The following SLC20A2 variants were observed in gnomAD, a reference collection of about 807,000 sequenced individuals.
SLC20A2 encodes solute carrier family 20 member 2.
A neutral mutation model predicts 61.0 loss-of-function variants in SLC20A2; 30 were observed. That is an observed-to-expected ratio of 0.49 (90% CI 0.37 to 0.67). SLC20A2 has a LOEUF of 0.67. Ranked by LOEUF, SLC20A2 falls within the 30% of genes least tolerant of loss-of-function variation. The pLI is 0.00. For synonymous variants in SLC20A2, 351 were observed against 353.3 expected, an observed-to-expected ratio of 0.99 and a Z score of 0.07; for missense variants, 626 against 866.4, an observed-to-expected ratio of 0.72 and a Z score of 3.48.
chr8:42,503,387 T>C (rs1810440330), upstream of SLC20A2, among the ~76,000 whole-genome samples: 1 of 152,202 alleles, frequency 6.6e-6, no homozygotes, highest in South Asian at 2.1e-4. Context: ...TATGGGATCT[T>C]TAGTTCAACG....
At chr8:42,541,191 C>A (rs571490740) in intron 1 of SLC20A2, 151 of 152,284 alleles carry the variant, frequency 9.9e-4, no homozygotes, top group African/African-American at 3.1e-3. Flanking sequence ...AGGCGCCCGG[C>A]ACTCGCAGGT....
intron 1 of SLC20A2, among the ~76,000 whole-genome samples, chr8:42,524,843 G>A (rs1471636299): frequency 1.3e-5 from 2 of 151,922 alleles, no homozygotes; most frequent in East Asian, 3.9e-4. Context: ...CATGTAACAA[G>A]AAATTCTGAG....
chr8:42,422,785 G>A (rs981961415), intron 10 of SLC20A2, among the ~76,000 whole-genome samples: 21 of 151,972 alleles, frequency 1.4e-4, no homozygotes, highest in African/African-American at 4.8e-4. Flanking sequence ...AATTCACATG[G>A]GTTTTCAAAT....
intron 2 of SLC20A2, among the ~76,000 whole-genome samples, chr8:42,471,554 T>C (rs1216757136): frequency 3.3e-5 from 5 of 152,226 alleles, no homozygotes; most frequent in Non-Finnish European, 4.4e-5. Context: ...TGACAAATAA[T>C]GTAAGAGACC....
chr8:42,524,786 CAAAT>C (rs138387549), intron 1 of SLC20A2, among the ~76,000 whole-genome samples: 9,429 of 147,692 alleles, frequency 0.064, 578 homozygotes, highest in African/African-American at 0.15. Context: ...AACTCCATCT[CAAAT>C]AAATAAATAA....
chr8:42,518,791 T>C (rs2131394434), intron 1 of SLC20A2, among the ~76,000 whole-genome samples: 1 of 152,348 alleles, frequency 6.6e-6, no homozygotes, highest in South Asian at 2.1e-4. Context: ...CCCATCCCAC[T>C]TCAAAGTAGA....
At chr8:42,533,951 A>G (rs1305025624) in intron 1 of SLC20A2, among the ~76,000 whole-genome samples, 3 of 93,478 alleles carry the variant, frequency 3.2e-5, no homozygotes, top group South Asian at 3.8e-4. Context: ...CGTTACTTAC[A>G]AAAACTTCTC....
At chr8:42,448,260 C>T (rs1349730411) in intron 5 of SLC20A2, among the ~76,000 whole-genome samples, 3 of 152,216 alleles carry the variant, frequency 2.0e-5, no homozygotes, top group Non-Finnish European at 2.9e-5. Flanking sequence ...AGCGCTACTG[C>T]GCCAAACTGA....
At chr8:42,455,036 G>GCTAA (rs1013420247) in intron 5 of SLC20A2, among the ~76,000 whole-genome samples, 2 of 150,884 alleles carry the variant, frequency 1.3e-5, no homozygotes, top group African/African-American at 4.9e-5. Context: ...GACTAGCTTG[G>GCTAA]CTAACATGGT....
rs1244005510 is a variant in SLC20A2, at chr8:42,438,072, A to C, written c.935-495T>G. Among the ~76,000 whole-genome samples the C allele has an allele frequency of 3.7e-3, 539 of 145,186 alleles. 24 individuals carry two copies. Among genetic ancestry groups the C allele is most frequent in the South Asian group, 0.017 (80 of 4,680 alleles). ...CACTAAAAAAAAAAACCAAAAAAAA[A>C]AAAAAAAAAAAAAAAAACATGGAAA... is the stretch of plus-strand genomic sequence containing the variant. On this transcript the variant is annotated intron_variant, in intron 7 of 10. Transcript: ENST00000520262.
intron 1 of SLC20A2, among the ~76,000 whole-genome samples, chr8:42,489,065 G>A (rs1444721040): frequency 8.1e-5 from 12 of 147,650 alleles, no homozygotes; most frequent in South Asian, 2.2e-4. Flanking sequence ...TCAGCCTCCC[G>A]AGCAGCTGGG....
At chr8:42,489,159 G>C (rs765669310) in intron 1 of SLC20A2, among the ~76,000 whole-genome samples, 80 of 152,082 alleles carry the variant, frequency 5.3e-4, no homozygotes, top group Middle Eastern at 3.4e-3. Context: ...GGCTGGTCTC[G>C]AACTCCTGAC....
intron 1 of SLC20A2, among the ~76,000 whole-genome samples, chr8:42,477,509 A>C (rs578023612): frequency 3.1e-4 from 37 of 120,954 alleles, no homozygotes; most frequent in Non-Finnish European, 1.7e-4. Flanking sequence ...CTTGCTCTGT[A>C]GCCCAGGCTG....
chr8:42,497,047 T>C (rs1285746703), intron 1 of SLC20A2, among the ~76,000 whole-genome samples: 1 of 152,212 alleles, frequency 6.6e-6, no homozygotes, highest in Non-Finnish European at 1.5e-5. Context: ...TTATCTCAGG[T>C]GAGCCTCATT....
At chr8:42,477,198 T>G (rs995973741) in intron 1 of SLC20A2, among the ~76,000 whole-genome samples, 28 of 152,192 alleles carry the variant, frequency 1.8e-4, no homozygotes, top group African/African-American at 6.8e-4. Context: ...ACAGAATTAT[T>G]GTGAGGAACA....
chr8:42,484,228 G>T (rs1367399590), intron 1 of SLC20A2, among the ~76,000 whole-genome samples: 1 of 152,184 alleles, frequency 6.6e-6, no homozygotes, highest in Non-Finnish European at 1.5e-5. Context: ...TCTCTGAAGT[G>T]CTTCATCAGA....
At chr8:42,442,770 T>A (rs904684092) in intron 6 of SLC20A2, among the ~76,000 whole-genome samples, 7 of 152,246 alleles carry the variant, frequency 4.6e-5, no homozygotes, top group Non-Finnish European at 1.0e-4. Flanking sequence ...AGTCTAGAGA[T>A]GAATCTAAGA....
chr8:42,494,581 T>C (rs1435983208), intron 1 of SLC20A2, among the ~76,000 whole-genome samples: 3 of 152,216 alleles, frequency 2.0e-5, no homozygotes, highest in Non-Finnish European at 4.4e-5. Context: ...AAATACATAA[T>C]GTTTTGTAAC....
chr8:42,494,399 A>AAT (rs1238200240), intron 1 of SLC20A2, among the ~76,000 whole-genome samples: 3 of 152,112 alleles, frequency 2.0e-5, no homozygotes, highest in African/African-American at 7.3e-5. Context: ...ATTATTACAT[A>AAT]AGTAATCTAT....
Sources: allele counts gnomAD v4.1 joint callset (sites outside exome capture counted in the v4.1 genomes callset), GRCh38; gene constraint gnomAD v4.1.1; transcripts MANE v1.5; gene names NCBI Gene and HGNC (gene_info 2026-07-23, HGNC 2026-07-21).